The following MECOM variants were observed in gnomAD, a reference collection of about 807,000 sequenced individuals.
MECOM encodes histone-lysine N-methyltransferase MECOM.
Under a neutral mutation model 116.3 loss-of-function variants are expected in MECOM, and 13 were observed. That is an observed-to-expected ratio of 0.11 (90% CI 0.07 to 0.18). MECOM has a LOEUF of 0.18. Ranked by LOEUF, MECOM falls within the 10% of genes least tolerant of loss-of-function variation. MECOM has a pLI of 1.00. For synonymous variants in MECOM, 528 were observed against 535.2 expected (o/e 0.99, Z 0.19); for missense variants, 1,299 against 1,509.0 (o/e 0.86, Z 2.31).
At chr3:169,085,764 C>A (rs1195176504) in intron 16 of MECOM, among the ~76,000 whole-genome samples, 3 of 152,192 alleles carry the variant, frequency 2.0e-5, no homozygotes, top group Non-Finnish European at 4.4e-5. Flanking sequence ...TGGAGGTGCT[C>A]TGTGAGGAAG....
chr3:169,598,652 G>A (rs567765151), intron 1 of MECOM, among the ~76,000 whole-genome samples: 1 of 152,286 alleles, frequency 6.6e-6, no homozygotes, highest in East Asian at 1.9e-4. Flanking sequence ...ATTCATAAAG[G>A]GGGGTAATGA....
intron 1 of MECOM, among the ~76,000 whole-genome samples, chr3:169,492,533 G>T: frequency 6.6e-6 from 1 of 151,952 alleles, no homozygotes; most frequent in East Asian, 1.9e-4. Flanking sequence ...TGTGTTAAGC[G>T]CAGTCACAAA....
At chr3:169,531,688 C>A (rs3863104) in intron 1 of MECOM, among the ~76,000 whole-genome samples, 43,635 of 152,052 alleles carry the variant, frequency 0.29, 6,527 homozygotes, top group Non-Finnish European at 0.33. Context: ...GAGTTAATGA[C>A]TACTCATGGG....
chr3:169,592,173 A>C (rs1766501730), intron 1 of MECOM, among the ~76,000 whole-genome samples: 1 of 152,062 alleles, frequency 6.6e-6, no homozygotes, highest in Admixed American at 6.5e-5. Flanking sequence ...TAATTCCCAA[A>C]CACACCACTA....
At chr3:169,323,810 A>G (rs1478736833) in intron 2 of MECOM, among the ~76,000 whole-genome samples, 1 of 152,190 alleles carries the variant, frequency 6.6e-6, no homozygotes, top group African/African-American at 2.4e-5. Flanking sequence ...CCAAATAATC[A>G]GAGTATGTTG....
chr3:169,397,015 T>G (rs919456607), intron 1 of MECOM, among the ~76,000 whole-genome samples: 1 of 152,162 alleles, frequency 6.6e-6, no homozygotes, highest in Non-Finnish European at 1.5e-5. Flanking sequence ...ATGATGCTCT[T>G]GAGCATCTTT....
intron 1 of MECOM, among the ~76,000 whole-genome samples, chr3:169,486,469 GTAAACCATGAAGAAT>G (rs1044940595): frequency 1.3e-4 from 20 of 152,056 alleles, no homozygotes; most frequent in Admixed American, 4.6e-4. Flanking sequence ...TATCTTCATG[GTAAACCATGAAGAAT>G]TAATATGATC....
intron 1 of MECOM, among the ~76,000 whole-genome samples, chr3:169,400,518 C>A (rs1735706974): frequency 6.6e-6 from 1 of 152,140 alleles, no homozygotes; most frequent in Non-Finnish European, 1.5e-5. Context: ...ATCTGTGTCA[C>A]TTTGTTTAAA....
At chr3:169,311,762 C>G (rs1436966611) in intron 2 of MECOM, among the ~76,000 whole-genome samples, 1 of 151,906 alleles carries the variant, frequency 6.6e-6, no homozygotes, top group African/African-American at 2.4e-5. Flanking sequence ...GGATGGAGAG[C>G]AATATCCTCT....
At chr3:169,299,691 CTGCTCAGCCACTATGGAATT>C (rs1330818165) in intron 2 of MECOM, among the ~76,000 whole-genome samples, 2 of 152,170 alleles carry the variant, frequency 1.3e-5, no homozygotes, top group Non-Finnish European at 2.9e-5. Flanking sequence ...TATCAGCACA[CTGCTCAGCCACTATGGAATT>C]TTAATGACCA....
intron 1 of MECOM, among the ~76,000 whole-genome samples, chr3:169,422,668 A>C (rs1739960576): frequency 6.6e-6 from 1 of 152,054 alleles, no homozygotes; most frequent in East Asian, 1.9e-4. Flanking sequence ...AAAAACTCAC[A>C]AGCCTTAAGA....
chr3:169,316,186 T>C (rs1446149738), intron 2 of MECOM, among the ~76,000 whole-genome samples: 2 of 152,208 alleles, frequency 1.3e-5, no homozygotes, highest in Admixed American at 6.5e-5. Context: ...CTGTTTAGTG[T>C]TGTATAATTT....
intron 1 of MECOM, among the ~76,000 whole-genome samples, chr3:169,609,525 G>C (rs1768998259): frequency 6.6e-6 from 1 of 151,458 alleles, no homozygotes; most frequent in African/African-American, 2.4e-5. Context: ...CCAAAGTCCA[G>C]ATAAGCTAAA....
intron 1 of MECOM, among the ~76,000 whole-genome samples, chr3:169,621,811 C>T (rs1359712222): frequency 6.6e-6 from 1 of 152,130 alleles, no homozygotes; most frequent in Non-Finnish European, 1.5e-5. Flanking sequence ...TTTTTGTAAC[C>T]TCCTCAAACT....
chr3:169,617,448 G>A (rs1375409803), intron 1 of MECOM, among the ~76,000 whole-genome samples: 1 of 152,092 alleles, frequency 6.6e-6, no homozygotes, highest in Non-Finnish European at 1.5e-5. Context: ...TTTTTAACAG[G>A]CTCCCAAGTT....
chr3:169,216,895 C>T, intron 2 of MECOM, among the ~76,000 whole-genome samples: 1 of 126,460 alleles, frequency 7.9e-6, no homozygotes, highest in East Asian at 2.1e-4. Flanking sequence ...GCCGTGGCCA[C>T]CATTTACACG....
chr3:169,239,907 T>C (rs1350377174), intron 2 of MECOM, among the ~76,000 whole-genome samples: 3 of 152,236 alleles, frequency 2.0e-5, no homozygotes, highest in African/African-American at 4.8e-5. Flanking sequence ...GCTTTACTTA[T>C]GCTTTAGTTG....
chr3:169,149,814 C>A (rs1740868553), intron 2 of MECOM: 1 of 377,288 alleles, frequency 2.7e-6, no homozygotes, highest in African/African-American at 2.1e-5. Context: ...TCATCATTAT[C>A]GTCATCATCA....
intron 1 of MECOM, chr3:169,566,171 C>T: frequency 8.6e-6 from 2 of 233,112 alleles, no homozygotes; most frequent in South Asian, 8.4e-5. Flanking sequence ...ATGAGCCAAC[C>T]ACCTCCCACC....
Sources: gnomAD v4.1 joint callset for allele counts (sites outside exome capture counted in the v4.1 genomes callset) on GRCh38, gnomAD v4.1.1 for gene constraint, MANE v1.5 for transcripts, NCBI Gene and HGNC (gene_info 2026-07-23, HGNC 2026-07-21) for gene names.